Variants in XPO4 observed in about 807,000 individuals in gnomAD.
XPO4 encodes exportin-4.
XPO4 carries 39 observed loss-of-function variants against 143.0 expected under a neutral mutation model. The observed-to-expected ratio is 0.27, with a 90% confidence interval of 0.21 to 0.36. XPO4 has a LOEUF of 0.36. XPO4 is among the 10% of genes least tolerant of loss of function. The pLI, the probability that XPO4 is intolerant of heterozygous loss-of-function variation, is 1.00. For missense variants in XPO4, 907 were observed against 1,348.0 expected (o/e 0.67, Z 5.12); for synonymous variants, 439 against 474.0 (o/e 0.93, Z 0.96).
chr13:20,822,828 T>A (rs2585895), intron 7 of XPO4, among the ~76,000 whole-genome samples: 35,330 of 152,134 alleles, frequency 0.23, 5,758 homozygotes, highest in East Asian at 0.8. Context: ...TACAATTTGT[T>A]TGAATCTCAG....
intron 16 of XPO4, among the ~76,000 whole-genome samples, chr13:20,798,308 C>T (rs981806216): frequency 3.3e-5 from 5 of 152,062 alleles, no homozygotes; most frequent in Admixed American, 6.6e-5. Context: ...CAGGGTGATG[C>T]GTTTACAAAT....
chr13:20,897,950 G>A (rs1005611899), intron 1 of XPO4, among the ~76,000 whole-genome samples: 1 of 151,952 alleles, frequency 6.6e-6, no homozygotes. Flanking sequence ...TCATGGTTTC[G>A]CCATGTTGGC....
Position 20,796,097 on chromosome 13 carries a change from A to G in XPO4, c.2776T>C (p.Phe926Leu). 1 of 1,612,466 alleles carries G rather than the reference A, an allele frequency of 6.2e-7. No homozygotes were observed. The highest frequency in any genetic ancestry group is 8.5e-7 in the Non-Finnish European group (1 of 1,179,212). ...ELLTNLLSKEFIDFSDTDEVF... is the reference protein window; with the variant it reads ...ELLTNLLSKELIDFSDTDEVF... ...TTACCTGTATCACTGAAATCTATGA[A>G]TTCTTTTGACAGCAGGTTAGTAAGA... The change falls in exon 18 of 23, where the codon TTC (phenylalanine) becomes CTC (leucine). Residue 926 changes from phenylalanine (F) to leucine (L), a missense_variant. By Grantham distance (22) the Phe-to-Leu change is conservative. Transcript: ENST00000255305.
intron 1 of XPO4, among the ~76,000 whole-genome samples, chr13:20,880,950 C>A: frequency 1.0e-5 from 1 of 99,202 alleles, no homozygotes. Flanking sequence ...AGAGCAAGAC[C>A]CTGCCTCCAA....
At chr13:20,892,036 G>T (rs199538423) in intron 1 of XPO4, among the ~76,000 whole-genome samples, 14 of 145,146 alleles carry the variant, frequency 9.6e-5, no homozygotes, top group Admixed American at 2.7e-4. Context: ...GTTTTGTTTT[G>T]TTTTTTTTTT....
chr13:20,902,198 G>A (rs751692255), intron 1 of XPO4: 3 of 985,330 alleles, frequency 3.0e-6, no homozygotes, highest in African/African-American at 1.7e-5. Context: ...TGTCAGGGAA[G>A]CGCTAGAGGA....
chr13:20,848,644 CAG>C, intron 4 of XPO4: 1 of 985,232 alleles, frequency 1.0e-6, no homozygotes, highest in Middle Eastern at 5.2e-4. Flanking sequence ...ACTTAAAAAA[CAG>C]AGCTATAACT....
intron 2 of XPO4, 117 bp from the exon 3 acceptor site, chr13:20,862,975 T>G: frequency 6.7e-7 from 1 of 1,493,774 alleles, no homozygotes; most frequent in Non-Finnish European, 8.9e-7. Flanking sequence ...TTACCTGTTC[T>G]TTTTTTTATC....
intron 4 of XPO4, among the ~76,000 whole-genome samples, chr13:20,846,336 T>C (rs2060028759): frequency 1.3e-5 from 2 of 152,084 alleles, no homozygotes; most frequent in Non-Finnish European, 2.9e-5. Flanking sequence ...ACGGTCAAGA[T>C]GAGAAACAAA....
chr13:20,852,100 G>A (rs1856722851), intron 4 of XPO4: 2 of 985,388 alleles, frequency 2.0e-6, no homozygotes, highest in Middle Eastern at 5.2e-4. Flanking sequence ...GGTGAGGGCA[G>A]GCCGCATAAA....
intron 3 of XPO4, among the ~76,000 whole-genome samples, chr13:20,858,228 C>A (rs1349128826): frequency 3.4e-5 from 5 of 148,332 alleles, no homozygotes; most frequent in African/African-American, 1.0e-4. Flanking sequence ...GACTGCAATA[C>A]CAAAAAAAAA....
At chr13:20,865,052 A>AAATAAT (rs2060233220) in intron 2 of XPO4, among the ~76,000 whole-genome samples, 2 of 152,196 alleles carry the variant, frequency 1.3e-5, no homozygotes, top group African/African-American at 4.8e-5. Context: ...AGAACTTCAC[A>AAATAAT]AATACATATG....
intron 1 of XPO4, among the ~76,000 whole-genome samples, chr13:20,878,955 T>G (rs1322574421): frequency 6.6e-6 from 1 of 152,336 alleles, no homozygotes; most frequent in East Asian, 1.9e-4. Flanking sequence ...ACAACTCTTC[T>G]GCTAAAACAA....
In XPO4 at chr13:20,809,170, T is replaced by A. The variant is rs1157202052; in HGVS notation, c.1406A>T (p.Asp469Val). Residue 469 changes from aspartate to valine, a missense_variant, in exon 11 of 23, where the codon GAT becomes GTT. Transcript: ENST00000255305. ...TTGATCAGAAAACTGGTCTCGATCATCCTCTTGAAGTTCACTTATTTCTTC... is the reference window on the plus strand; with the variant it reads ...TTGATCAGAAAACTGGTCTCGATCAACCTCTTGAAGTTCACTTATTTCTTC... ...EEEEISELQE[D>V]DRDQFSDQLA... The A allele has an allele frequency of 6.2e-7, 1 of 1,614,128 alleles. No individual in the cohort carries two copies. The highest frequency in any genetic ancestry group is 8.5e-7 in the Non-Finnish European group (1 of 1,179,990).
At chr13:20,814,971 T>C (rs923173110) in intron 9 of XPO4, among the ~76,000 whole-genome samples, 2 of 152,232 alleles carry the variant, frequency 1.3e-5, no homozygotes, top group Non-Finnish European at 2.9e-5. Flanking sequence ...GTTACTTTTA[T>C]TTATGAAAAT....
intron 15 of XPO4, 139 bp downstream of exon 15, chr13:20,800,017 A>G: frequency 1.1e-6 from 1 of 934,962 alleles, no homozygotes; most frequent in Non-Finnish European, 1.5e-6. Flanking sequence ...TTTAAAACCC[A>G]TTACTCCAAA....
intron 1 of XPO4, chr13:20,902,246 C>A: frequency 1.0e-6 from 1 of 985,362 alleles, no homozygotes; most frequent in African/African-American, 1.7e-5. Flanking sequence ...TAACAGCACC[C>A]AGGCTGTGCC....
intron 2 of XPO4, 70 bp downstream of exon 2, chr13:20,868,526 T>A: frequency 6.6e-7 from 1 of 1,521,750 alleles, no homozygotes; most frequent in Non-Finnish European, 8.7e-7. Context: ...TTAAAATAGC[T>A]AATGTTTAAG....
At chr13:20,834,102 A>G (rs2059886875) in intron 6 of XPO4, among the ~76,000 whole-genome samples, 1 of 152,176 alleles carries the variant, frequency 6.6e-6, no homozygotes, top group Non-Finnish European at 1.5e-5. Context: ...AACATCTACC[A>G]AATCACAGAA....
Sources: gnomAD v4.1 joint callset for allele counts (sites outside exome capture counted in the v4.1 genomes callset) on GRCh38, gnomAD v4.1.1 for gene constraint, MANE v1.5 for transcripts, NCBI Gene and HGNC (gene_info 2026-07-23, HGNC 2026-07-21) for gene names.